The following VEPH1 variants were observed in gnomAD, a reference collection of about 807,000 sequenced individuals.
The protein encoded by VEPH1 is ventricular zone-expressed PH domain-containing protein homolog 1.
VEPH1 carries 80 observed loss-of-function variants against 85.2 expected under a neutral mutation model. The ratio of observed to expected loss-of-function variants is 0.94; its 90% CI spans 0.78 to 1.13. The LOEUF (loss-of-function observed/expected upper bound fraction) is 1.13. VEPH1 is among the 50% of genes most tolerant of loss of function. The pLI is 0.00. For synonymous variants in VEPH1, 297 were observed against 348.0 expected (o/e 0.85, Z 1.63); for missense variants, 955 against 980.5 (o/e 0.97, Z 0.35).
At chr3:157,324,778 A>C (rs549509404) in intron 9 of VEPH1, among the ~76,000 whole-genome samples, 1 of 152,206 alleles carries the variant, frequency 6.6e-6, no homozygotes, top group East Asian at 1.9e-4. Context: ...TGCTATTGTG[A>C]ATAGCGCTGC....
chr3:157,390,867 C>T (rs78062226), intron 6 of VEPH1, among the ~76,000 whole-genome samples: 1,624 of 152,326 alleles, frequency 0.011, 32 homozygotes, highest in African/African-American at 0.037. Flanking sequence ...AGCTGTGACA[C>T]GCTGTAACAT....
chr3:157,318,609 A>T (rs1016349724), intron 9 of VEPH1, among the ~76,000 whole-genome samples: 5 of 140,744 alleles, frequency 3.6e-5, no homozygotes, highest in African/African-American at 1.3e-4. Flanking sequence ...TCCGTCCCAA[A>T]AAAACAAAAC....
chr3:157,462,740 T>C (rs1297376411), intron 3 of VEPH1, among the ~76,000 whole-genome samples: 1 of 152,230 alleles, frequency 6.6e-6, no homozygotes, highest in African/African-American at 2.4e-5. Context: ...TATACATTTA[T>C]ACTTCTTCTG....
Position 157,481,477 on chromosome 3 carries a change from A to C in VEPH1, c.139-10948T>G, listed in dbSNP as rs1206663706. Among the ~76,000 whole-genome samples, 163 of 111,352 alleles carry C rather than the reference A, an allele frequency of 1.5e-3. 1 individual carries two copies. Among genetic ancestry groups the C allele is most frequent in the African/African-American group, 6.5e-3 (155 of 23,712 alleles). The allele number at this position is 111,352 out of a possible 152,430, so 73.1% of individuals were successfully genotyped here. ...ACACACACACACACAAAAAAAAAAA[A>C]AAAAAAAAACAATCCTAAGCAAAAA... is the stretch of plus-strand genomic sequence containing the variant. On this transcript the variant is annotated intron_variant, in intron 2 of 13. Transcript: ENST00000362010.
intron 4 of VEPH1, chr3:157,438,021 G>A: frequency 4.6e-6 from 3 of 651,344 alleles, no homozygotes; most frequent in African/African-American, 5.6e-5. Flanking sequence ...TTCATGGGAA[G>A]CGCGCGCGCG....
intron 10 of VEPH1, among the ~76,000 whole-genome samples, chr3:157,314,658 T>C (rs931844540): frequency 6.6e-6 from 1 of 152,002 alleles, no homozygotes; most frequent in African/African-American, 2.4e-5. Flanking sequence ...AGAATAGAAA[T>C]TAAATAAGTT....
chr3:157,495,135 TC>T, intron 2 of VEPH1, 76 bp downstream of exon 2: 1 of 1,427,254 alleles, frequency 7.0e-7, no homozygotes, highest in Non-Finnish European at 9.6e-7. Flanking sequence ...CAAAGATCTT[TC>T]TGCCAGGATA....
At chr3:157,312,943 C>T (rs1158018745) in intron 11 of VEPH1, among the ~76,000 whole-genome samples, 3 of 125,014 alleles carry the variant, frequency 2.4e-5, no homozygotes, top group African/African-American at 9.8e-5. Context: ...CTCGCTCTGT[C>T]GCCCAGGCTG....
At chr3:157,439,340 C>T (rs1389654815) in intron 4 of VEPH1, among the ~76,000 whole-genome samples, 2 of 152,168 alleles carry the variant, frequency 1.3e-5, no homozygotes, top group Non-Finnish European at 2.9e-5. Context: ...TTATTACATC[C>T]AATAATACTT....
At chr3:157,404,989 C>G (rs1731045573) in intron 6 of VEPH1, among the ~76,000 whole-genome samples, 1 of 152,148 alleles carries the variant, frequency 6.6e-6, no homozygotes. Context: ...CTAGAAAGGG[C>G]ACTTACTAAG....
intron 4 of VEPH1, chr3:157,437,635 C>A: frequency 2.6e-6 from 4 of 1,551,692 alleles, no homozygotes; most frequent in Non-Finnish European, 3.5e-6. Flanking sequence ...GCGGGGCGAG[C>A]TGCAGAGGCT....
At position 157,368,390 on chromosome 3, in the gene VEPH1, A is replaced by G. The variant is rs531594044; in HGVS notation, c.1128-3878T>C. On this transcript the variant is annotated intron_variant, in intron 7 of 13. Coordinates refer to ENST00000362010, the MANE Select transcript of VEPH1 (RefSeq NM_001167912.2). ...CTGGGCATGACACTCACTGACCCCA[A>G]GAGGGCAGGTTGGGTGCCTCAAGGG... Among the ~76,000 whole-genome samples, 11 of 152,346 alleles carry G rather than the reference A, an allele frequency of 7.2e-5. 1 individual carries two copies. The highest frequency in any genetic ancestry group is 4.1e-4 in the South Asian group (2 of 4,830).
intron 2 of VEPH1, chr3:157,489,218 C>T (rs928248551): frequency 8.8e-6 from 4 of 456,098 alleles, no homozygotes; most frequent in African/African-American, 2.0e-5. Flanking sequence ...CAGAACTCTC[C>T]AGTGGCTGCC....
At chr3:157,463,436 G>A (rs1050338028) in intron 3 of VEPH1, among the ~76,000 whole-genome samples, 1 of 152,036 alleles carries the variant, frequency 6.6e-6, no homozygotes, top group Non-Finnish European at 1.5e-5. Context: ...TTAACATCAC[G>A]GAAGTATCAG....
At chr3:157,272,246 TTC>T (rs1267991853) in intron 12 of VEPH1, among the ~76,000 whole-genome samples, 1 of 15,548 alleles carries the variant, frequency 6.4e-5, no homozygotes, top group Admixed American at 1.1e-3. Flanking sequence ...TTCTTCTTCC[TTC>T]CTTCCTTCCT....
At position 157,259,987 on chromosome 3, in the gene VEPH1, T is replaced by A. The variant is rs1712680202; in HGVS notation, c.*1147A>T. The A allele has an allele frequency of 6.6e-6, 1 of 151,990 alleles. No individual in the cohort carries two copies. Among genetic ancestry groups the A allele is most frequent in the South Asian group, 2.1e-4 (1 of 4,818 alleles). The allele number at this position is 151,990 out of a possible 1,614,324, so 9.4% of individuals were successfully genotyped here. On this transcript the variant is annotated 3_prime_UTR_variant, in exon 14 of 14. Transcript: ENST00000362010. ...TATTTAAGGCTAATAGGAGAGAGAGTCTCTGACTGGTTCACTCTCTTTTAA... is the reference window on the plus strand; with the variant it reads ...TATTTAAGGCTAATAGGAGAGAGAGACTCTGACTGGTTCACTCTCTTTTAA...
intron 7 of VEPH1, among the ~76,000 whole-genome samples, chr3:157,378,683 A>G (rs966629025): frequency 1.3e-5 from 2 of 152,262 alleles, no homozygotes; most frequent in East Asian, 3.9e-4. Context: ...ACCTCTGTGA[A>G]TAGTTATTGA....
At chr3:157,458,575 T>C (rs1735567915) in intron 4 of VEPH1, among the ~76,000 whole-genome samples, 1 of 152,226 alleles carries the variant, frequency 6.6e-6, no homozygotes, top group South Asian at 2.1e-4. Context: ...CTGTAGGTTG[T>C]CTGTTGACTC....
intron 4 of VEPH1, chr3:157,436,891 C>G (rs768891166): frequency 6.2e-7 from 1 of 1,602,166 alleles, no homozygotes; most frequent in South Asian, 1.1e-5. Context: ...ACTTGAGAGT[C>G]TCCTCCCGCC....
Sources: gnomAD v4.1 joint callset for allele counts (sites outside exome capture counted in the v4.1 genomes callset) on GRCh38, gnomAD v4.1.1 for gene constraint, MANE v1.5 for transcripts, NCBI Gene and HGNC (gene_info 2026-07-23, HGNC 2026-07-21) for gene names.